Variants in SLC4A8 observed in about 807,000 individuals in gnomAD.
The protein encoded by SLC4A8 is solute carrier family 4 member 8, also known as electroneutral sodium bicarbonate exchanger 1.
In SLC4A8, 40 loss-of-function variants were observed where a neutral mutation model predicts 125.0. That is an observed-to-expected ratio of 0.32 (90% CI 0.25 to 0.42). SLC4A8 has a LOEUF of 0.42. SLC4A8 is among the 10% of genes least tolerant of loss of function. SLC4A8 has a pLI of 1.00. For synonymous variants in SLC4A8, 456 were observed against 476.0 expected, an observed-to-expected ratio of 0.96 and a Z score of 0.55; for missense variants, 863 against 1,355.1, an observed-to-expected ratio of 0.64 and a Z score of 5.70.
intron 1 of SLC4A8, among the ~76,000 whole-genome samples, chr12:51,413,326 A>C (rs1948626974): frequency 6.6e-6 from 1 of 152,054 alleles, no homozygotes; most frequent in South Asian, 2.1e-4. Context: ...TCCTTGTTGG[A>C]TGAATAGTTT....
Position 51,403,585 on chromosome 12 carries a change from C to G in SLC4A8, c.-112+12097C>G, listed in dbSNP as rs150998691. The stretch of plus-strand genomic sequence containing the variant: ...TGTGTCAACTCCCAAAGAAGCACCC[C>G]TCAGAGTCTGCCGATGTTACCATTC... On this transcript the variant is annotated intron_variant, in intron 1 of 24. Transcript: ENST00000358657. 8.1e-3 allele frequency among the ~76,000 whole-genome samples: 1,227 copies of G among 152,354 alleles called. 14 individuals carry two copies. The highest frequency in any genetic ancestry group is 0.028 in the African/African-American group (1,153 of 41,584).
upstream of SLC4A8, among the ~76,000 whole-genome samples, chr12:51,421,194 GGCTGAATACCCCCA>G (rs1948782919): frequency 6.6e-6 from 1 of 152,122 alleles, no homozygotes; most frequent in South Asian, 2.1e-4. Flanking sequence ...TGATGTCCTT[GGCTGAATACCCCCA>G]GCTCCACTAG....
chr12:51,392,763 C>G (rs1370922502), intron 1 of SLC4A8: 10 of 152,032 alleles, frequency 6.6e-5, no homozygotes, highest in African/African-American at 2.2e-4. Context: ...CTGGTAAACC[C>G]GCCTCCTAAG....
At chr12:51,486,404 C>A (rs949675339) in intron 17 of SLC4A8, among the ~76,000 whole-genome samples, 1 of 152,152 alleles carries the variant, frequency 6.6e-6, no homozygotes, top group Non-Finnish European at 1.5e-5. Flanking sequence ...AGTCTAGGGC[C>A]CCTGCCGGAG....
intron 16 of SLC4A8, among the ~76,000 whole-genome samples, chr12:51,485,130 C>T (rs1320300126): frequency 6.6e-6 from 1 of 151,996 alleles, no homozygotes; most frequent in Non-Finnish European, 1.5e-5. Flanking sequence ...ATTGTGTGGC[C>T]CTCATAGGCC....
chr12:51,395,074 G>C (rs1202031644), intron 1 of SLC4A8, among the ~76,000 whole-genome samples: 1 of 151,968 alleles, frequency 6.6e-6, no homozygotes, highest in Non-Finnish European at 1.5e-5. Context: ...AAATGAAAAA[G>C]TTATACGTAA....
intron 1 of SLC4A8, among the ~76,000 whole-genome samples, chr12:51,413,799 AC>A (rs1359627469): frequency 1.3e-5 from 2 of 152,114 alleles, no homozygotes; most frequent in Non-Finnish European, 2.9e-5. Context: ...TTATATCGAT[AC>A]CATGCTGGTT....
intron 2 of SLC4A8, among the ~76,000 whole-genome samples, chr12:51,448,342 G>A (rs916208658): frequency 7.2e-5 from 11 of 152,112 alleles, no homozygotes; most frequent in Non-Finnish European, 1.6e-4. Context: ...GGTAACGCTC[G>A]GTTTCAAGCC....
chr12:51,488,534 G>A (rs551148511), intron 17 of SLC4A8, among the ~76,000 whole-genome samples, 165 bp from the exon 18 acceptor site: 2 of 149,054 alleles, frequency 1.3e-5, no homozygotes, highest in Non-Finnish European at 3.0e-5. Context: ...TTCAGAACAA[G>A]GTCATAGATT....
intron 16 of SLC4A8, among the ~76,000 whole-genome samples, chr12:51,485,377 A>G (rs761211043): frequency 1.2e-4 from 18 of 152,148 alleles, no homozygotes; most frequent in African/African-American, 1.2e-4. Context: ...TTCTGAAGGG[A>G]GAGCCAATAG....
rs538107228 is a variant in SLC4A8 at position 51,425,009 on chromosome 12, G to A, written c.22G>A (p.Glu8Lys). The A allele has an allele frequency of 3.9e-6, 6 of 1,556,504 alleles. No homozygotes were observed. The highest frequency in any genetic ancestry group is 2.4e-5 in the East Asian group (1 of 41,278). MPAAGSNEPDGVLSYQRP... is the reference protein window; with the variant it reads MPAAGSNKPDGVLSYQRP... ...CGCCATGCCGGCCGCCGGGAGTAACGAGCCGGACGGCGTCCTCAGCTATCA... is the reference window on the plus strand; with the variant it reads ...CGCCATGCCGGCCGCCGGGAGTAACAAGCCGGACGGCGTCCTCAGCTATCA... Residue 8 changes from glutamate (E) to lysine (K), a missense_variant, in exon 1 of 25, where the codon GAG (glutamate) becomes AAG (lysine). By Grantham distance (56) the Glu-to-Lys change is moderately conservative. Transcript: ENST00000453097.
intron 16 of SLC4A8, among the ~76,000 whole-genome samples, chr12:51,476,923 T>C (rs1438623992): frequency 8.0e-6 from 1 of 125,190 alleles, no homozygotes; most frequent in Admixed American, 8.1e-5. Flanking sequence ...TTTTTTTTTT[T>C]CTGAGATGGA....
intron 15 of SLC4A8, 63 bp from the exon 16 acceptor site, chr12:51,474,982 T>C (rs542218645): frequency 6.9e-7 from 1 of 1,443,434 alleles, no homozygotes. Flanking sequence ...GTGGACTCAG[T>C]AGGAAACAGC....
chr12:51,471,514 A>G lies in SLC4A8; in HGVS notation c.1886A>G (p.Asp629Gly), dbSNP rs1263085310. The change falls in exon 14 of 25, where the codon GAC (aspartate) becomes GGC (glycine). Residue 629 changes from aspartate (D) to glycine (G), a missense_variant. Physicochemically the swap from Asp to Gly is moderately conservative, Grantham distance 94. Coordinates refer to ENST00000453097, the MANE Select transcript of SLC4A8 (RefSeq NM_001039960.3). The stretch of plus-strand genomic sequence containing the variant: ...CCCATCCACATGCACAGCCAGCTGG[A>G]CCACCTTAGCCTCTATTAGTAAGTG... Reference protein sequence around the residue: ...TYPIHMHSQLDHLSLYYCRCT... With the variant: ...TYPIHMHSQLGHLSLYYCRCT... 1 of 1,614,112 alleles carries G rather than the reference A, an allele frequency of 6.2e-7. No individual in the cohort carries two copies. Among genetic ancestry groups the G allele is most frequent in the South Asian group, 1.1e-5 (1 of 91,066 alleles).
intron 16 of SLC4A8, chr12:51,480,304 A>G: frequency 4.9e-6 from 6 of 1,224,958 alleles, no homozygotes; most frequent in Non-Finnish European, 6.3e-6. Context: ...CTTGCTTAAA[A>G]TGTATTTATA....
chr12:51,441,124 A>T lies in SLC4A8; in HGVS notation c.130+335A>T, dbSNP rs576979668. 3.8e-5 allele frequency: 38 copies of T among 1,007,002 alleles called. No individual in the cohort carries two copies. The African/African-American group carries it at 6.2e-4, about 16-fold the overall frequency. 62.4% of individuals were successfully genotyped at this position (1,007,002 alleles called of 1,614,324 possible). A position where few individuals can be genotyped will look rare whatever the true frequency, so the allele number is the denominator to read the frequency against. ...TAATTCTTGACAACTGCCTGGAAAT[A>T]CAAATAAATACAAAACTTAAAGAGA... On this transcript the variant is annotated intron_variant, in intron 2 of 24. Transcript: ENST00000453097.
In SLC4A8 at chr12:51,400,854, GTATATAAACATATATATGTATATACA is replaced by G. The variant is rs1565749474; in HGVS notation, c.-112+9373_-112+9398del. 1.1e-4 allele frequency among the ~76,000 whole-genome samples: 13 copies of G among 114,484 alleles called. 1 individual carries two copies. Among genetic ancestry groups the G allele is most frequent in the African/African-American group, 2.1e-4 (6 of 28,594 alleles). The allele number at this position is 114,484 out of a possible 152,430, so 75.1% of individuals were successfully genotyped here. On this transcript the variant is annotated intron_variant, in intron 1 of 24. Coordinates refer to the SLC4A8 transcript ENST00000358657. ...TATATAAACATATATGTTTATATAC[GTATATAAACATATATATGTATATACA>G]TATATATATATTTTTAAACAGGGTC... is the stretch of plus-strand genomic sequence containing the variant.
chr12:51,473,151 A>G (rs150515942), intron 14 of SLC4A8, among the ~76,000 whole-genome samples: 23 of 152,332 alleles, frequency 1.5e-4, no homozygotes, highest in African/African-American at 5.3e-4. Context: ...ATCCTCCATT[A>G]TAATATCATA....
intron 5 of SLC4A8, among the ~76,000 whole-genome samples, chr12:51,455,878 TTGTC>T (rs1193368029): frequency 2.6e-5 from 4 of 152,192 alleles, no homozygotes; most frequent in African/African-American, 9.6e-5. Flanking sequence ...TTTTGACTAT[TTGTC>T]TGAAATCCCA....
Sources: gnomAD v4.1 joint callset for allele counts (sites outside exome capture counted in the v4.1 genomes callset) on GRCh38, gnomAD v4.1.1 for gene constraint, MANE v1.5 for transcripts, NCBI Gene and HGNC (gene_info 2026-07-23, HGNC 2026-07-21) for gene names.